The following NTRK3 variants were observed in gnomAD, a reference collection of about 807,000 sequenced individuals.
NTRK3 encodes the protein NT-3 growth factor receptor.
In NTRK3, 24 loss-of-function variants were observed where a neutral mutation model predicts 91.7. That is an observed-to-expected ratio of 0.26 (90% confidence interval 0.19 to 0.37). The LOEUF (loss-of-function observed/expected upper bound fraction) is 0.37, where lower values mean the gene tolerates loss of function less well. Among genes scored for constraint, NTRK3 ranks in the 10% least tolerant of loss-of-function variants. The probability of loss-of-function intolerance (pLI) is 1.00; values close to 1 mark genes in which losing one functional copy is unlikely to be tolerated. For synonymous variants in NTRK3, 483 were observed against 404.0 expected (o/e 1.20, Z -2.34); for missense variants, 880 against 1,068.9 (o/e 0.82, Z 2.46).
At chr15:87,880,161 G>C (rs2065163436) in intron 18 of NTRK3, 109 bp downstream of exon 19, 1 of 1,400,792 alleles carries the variant, frequency 7.1e-7, no homozygotes, top group African/African-American at 1.4e-5. Flanking sequence ...CATTCACTCT[G>C]CTGGCTCTAA....
At chr15:88,106,371 A>C (rs1174602871) in intron 13 of NTRK3, among the ~76,000 whole-genome samples, 1 of 152,222 alleles carries the variant, frequency 6.6e-6, no homozygotes, top group Non-Finnish European at 1.5e-5. Flanking sequence ...ACATTTTATA[A>C]ATGCATACTT....
At chr15:88,211,484 T>C (rs2049243867) in intron 3 of NTRK3, among the ~76,000 whole-genome samples, 1 of 152,256 alleles carries the variant, frequency 6.6e-6, no homozygotes, top group Admixed American at 6.5e-5. Flanking sequence ...ATGTTTATGT[T>C]TTTTGTTGAA....
chr15:88,130,657 A>G (rs1034289717), intron 10 of NTRK3, among the ~76,000 whole-genome samples: 1 of 152,228 alleles, frequency 6.6e-6, no homozygotes, highest in African/African-American at 2.4e-5. Flanking sequence ...ATCATTAAGA[A>G]AAAAATCAGA....
chr15:88,107,591 G>C (rs751622048), intron 13 of NTRK3, among the ~76,000 whole-genome samples: 3 of 152,092 alleles, frequency 2.0e-5, no homozygotes, highest in East Asian at 1.9e-4. Context: ...AACTTCACAG[G>C]CTCCCTGTTC....
chr15:87,948,310 A>G (rs1048453536), intron 14 of NTRK3, among the ~76,000 whole-genome samples: 3 of 152,340 alleles, frequency 2.0e-5, no homozygotes, highest in African/African-American at 7.2e-5. Context: ...CCTGTAAAGG[A>G]CCTTTCTAAG....
At chr15:88,183,598 G>A in intron 4 of NTRK3, 109 bp from the exon 5 acceptor site, 1 of 1,007,112 alleles carries the variant, frequency 9.9e-7, no homozygotes, top group Non-Finnish European at 1.6e-6. Context: ...CAGCCGCCCT[G>A]TGGATTATCT....
chr15:88,122,115 C>T (rs1281349915), intron 13 of NTRK3, among the ~76,000 whole-genome samples: 1 of 152,168 alleles, frequency 6.6e-6, no homozygotes, highest in Non-Finnish European at 1.5e-5. Context: ...GCAAGTTACT[C>T]AGAGTATAAG....
intron 13 of NTRK3, among the ~76,000 whole-genome samples, chr15:88,096,003 TTTCTA>T (rs2049553464): frequency 6.6e-6 from 1 of 152,184 alleles, no homozygotes; most frequent in Non-Finnish European, 1.5e-5. Flanking sequence ...GCGATTTGAT[TTTCTA>T]TCAAGGAATT....
At chr15:88,109,976 A>G (rs1203980979) in intron 13 of NTRK3, among the ~76,000 whole-genome samples, 5 of 152,126 alleles carry the variant, frequency 3.3e-5, no homozygotes, top group Middle Eastern at 3.2e-3. Flanking sequence ...ATTTCATTTA[A>G]TTCTCATAAA....
At chr15:88,110,906 C>T (rs978470926) in intron 13 of NTRK3, among the ~76,000 whole-genome samples, 8 of 152,080 alleles carry the variant, frequency 5.3e-5, no homozygotes, top group Non-Finnish European at 7.3e-5. Context: ...AGGTCCAGAG[C>T]CATGTGGGAG....
In NTRK3 at chr15:87,875,107, C is replaced by A. The variant is rs561444681; in HGVS notation, c.*1828G>T. The A allele has an allele frequency of 4.8e-5, 11 of 231,064 alleles. No homozygotes were observed. In the South Asian group the frequency reaches 1.8e-3, roughly 38 times the overall value. 14.3% of individuals were successfully genotyped at this position (231,064 alleles called of 1,614,324 possible). A position where few individuals can be genotyped will look rare whatever the true frequency, so the allele number is the denominator to read the frequency against. Reference sequence around the variant, plus strand: ...CAGTACTAAACCCCACATAGGGAGGCCCACATTTCAGCTGCCTTCAGCTAA... The same window carrying A: ...CAGTACTAAACCCCACATAGGGAGGACCACATTTCAGCTGCCTTCAGCTAA... On this transcript the variant is annotated 3_prime_UTR_variant, in exon 19 of 19. Transcript: ENST00000394480.
chr15:88,243,242 C>A lies in NTRK3; in HGVS notation c.248+12664G>T, dbSNP rs975127023. Among the ~76,000 whole-genome samples the A allele has an allele frequency of 6.6e-6, 1 of 152,164 alleles. No homozygotes were observed. The highest frequency in any genetic ancestry group is 2.4e-5 in the African/African-American group (1 of 41,432). ...TGTTATTTCCCTCTCTGTGTCTTAT[C>A]GCCACATTTGTTCAAATGACTGCCA... On this transcript the variant is annotated intron_variant, in intron 3 of 18. Transcript: ENST00000394480. This position sits in a 1 kb window ranked among gnomAD's most constrained non-coding sequence, Gnocchi z 4.8.
intron 3 of NTRK3, among the ~76,000 whole-genome samples, chr15:88,197,694 A>C (rs1381207682): frequency 6.6e-6 from 1 of 152,142 alleles, no homozygotes; most frequent in Non-Finnish European, 1.5e-5. Context: ...GACCTGTGTA[A>C]ATGGCTTTTG....
At chr15:88,088,936 C>G (rs191381916) in intron 13 of NTRK3, among the ~76,000 whole-genome samples, 3 of 152,130 alleles carry the variant, frequency 2.0e-5, no homozygotes, top group Non-Finnish European at 4.4e-5. Context: ...TATTACTGCT[C>G]TTAGGTTCCT....
At chr15:88,254,208 C>G (rs1034072468) in intron 3 of NTRK3, among the ~76,000 whole-genome samples, 6 of 152,130 alleles carry the variant, frequency 3.9e-5, no homozygotes, top group Non-Finnish European at 5.9e-5. Context: ...ACATCCACCC[C>G]CTACACACAT....
intron 14 of NTRK3, among the ~76,000 whole-genome samples, chr15:87,986,768 G>T (rs1244996930): frequency 2.0e-5 from 3 of 152,226 alleles, no homozygotes; most frequent in Non-Finnish European, 4.4e-5. Flanking sequence ...ACATGTGGGA[G>T]AATTTCTCCA....
At chr15:88,165,083 G>A (rs916082638) in intron 5 of NTRK3, among the ~76,000 whole-genome samples, 5 of 152,198 alleles carry the variant, frequency 3.3e-5, no homozygotes, top group Non-Finnish European at 5.9e-5. Flanking sequence ...TATGAACTGA[G>A]TTGAGGAGGC....
chr15:88,012,792 T>A (rs1158766786), intron 14 of NTRK3, among the ~76,000 whole-genome samples: 1 of 152,240 alleles, frequency 6.6e-6, no homozygotes, highest in Non-Finnish European at 1.5e-5. Flanking sequence ...CTTCTCATAC[T>A]TTGATGTGCA....
At chr15:88,228,462 A>G (rs1188288711) in intron 3 of NTRK3, among the ~76,000 whole-genome samples, 1 of 152,100 alleles carries the variant, frequency 6.6e-6, no homozygotes, top group African/African-American at 2.4e-5. Context: ...TAGTGCATAA[A>G]GGATCTGTCT....
Sources: allele counts gnomAD v4.1 joint callset (sites outside exome capture counted in the v4.1 genomes callset), GRCh38; gene constraint gnomAD v4.1.1; non-coding constraint Gnocchi (gnomAD v3.1); transcripts MANE v1.5; gene names NCBI Gene and HGNC (gene_info 2026-07-23, HGNC 2026-07-21).